Variants in STAG1 observed in about 807,000 individuals in gnomAD.
The protein encoded by STAG1 is cohesin subunit SA-1.
In STAG1, 26 loss-of-function variants were observed where a neutral mutation model predicts 170.9. The ratio of observed to expected loss-of-function variants is 0.15; its 90% confidence interval spans 0.11 to 0.21. The LOEUF (loss-of-function observed/expected upper bound fraction) is 0.21, where lower values mean the gene tolerates loss of function less well. Ranked by LOEUF, STAG1 falls within the 10% of genes least tolerant of loss-of-function variation. STAG1 has a pLI of 1.00. For missense variants in STAG1, 964 were observed against 1,509.5 expected (o/e 0.64, Z 5.99); for synonymous variants, 514 against 497.7 (o/e 1.03, Z -0.44).
chr3:136,439,052 C>T (rs941454672), intron 15 of STAG1, among the ~76,000 whole-genome samples: 1 of 151,538 alleles, frequency 6.6e-6, no homozygotes, highest in Non-Finnish European at 1.5e-5. Context: ...AAAAATTAGC[C>T]AGGTGTGGTG....
intron 22 of STAG1, among the ~76,000 whole-genome samples, chr3:136,389,467 G>GT (rs1415618905): frequency 6.6e-6 from 1 of 151,842 alleles, no homozygotes; most frequent in Non-Finnish European, 1.5e-5. Flanking sequence ...TAATTTTTTT[G>GT]TATTTTTAGT....
intron 7 of STAG1, among the ~76,000 whole-genome samples, chr3:136,514,324 C>T (rs973154388): frequency 3.3e-5 from 5 of 152,182 alleles, no homozygotes; most frequent in Admixed American, 6.5e-5. Context: ...CTCATCATCA[C>T]TGGTCATCGG....
At chr3:136,722,696 ACGG>A (rs1559972540) in intron 1 of STAG1, among the ~76,000 whole-genome samples, 6 of 39,838 alleles carry the variant, frequency 1.5e-4, no homozygotes, top group African/African-American at 6.3e-4. Context: ...CCCTCTCCCC[ACGG>A]TCTCCCTCTC....
At chr3:136,346,419 A>G (rs910318711) in intron 29 of STAG1, among the ~76,000 whole-genome samples, 8 of 152,210 alleles carry the variant, frequency 5.3e-5, no homozygotes, top group Admixed American at 4.6e-4. Context: ...GAAACTCTGC[A>G]GCCTAAGGGT....
At chr3:136,689,683 T>G (rs763437449) in intron 1 of STAG1, among the ~76,000 whole-genome samples, 1 of 152,192 alleles carries the variant, frequency 6.6e-6, no homozygotes, top group Non-Finnish European at 1.5e-5. Context: ...GAGATCTGAC[T>G]GACAAGCTTT....
chr3:136,597,433 T>C (rs1938479756), intron 4 of STAG1, among the ~76,000 whole-genome samples: 1 of 152,210 alleles, frequency 6.6e-6, no homozygotes, highest in African/African-American at 2.4e-5. Flanking sequence ...TCCCACTAGT[T>C]GCTGTTCTAC....
At chr3:136,430,574 T>G (rs1297561223) in intron 16 of STAG1, among the ~76,000 whole-genome samples, 1 of 150,054 alleles carries the variant, frequency 6.7e-6, no homozygotes, top group Non-Finnish European at 1.5e-5. Context: ...GGAAGAACAA[T>G]TGTCTGGGGC....
chr3:136,373,594 A>G lies in STAG1; in HGVS notation c.2370+4066T>C, dbSNP rs562227229. Reference sequence around the variant, plus strand: ...AAAGAACATCTTTATTTCTGCCTTCATTTCATTATGTACCCAGTAGTCATT... The same window carrying G: ...AAAGAACATCTTTATTTCTGCCTTCGTTTCATTATGTACCCAGTAGTCATT... On this transcript the variant is annotated intron_variant, in intron 23 of 33. Coordinates refer to ENST00000383202, the MANE Select transcript of STAG1 (RefSeq NM_005862.3). Among the ~76,000 whole-genome samples, 3 of 152,054 alleles carry G rather than the reference A, an allele frequency of 2.0e-5. No individual in the cohort carries two copies. In the South Asian group the frequency reaches 6.2e-4, roughly 32 times the overall value.
intron 21 of STAG1, among the ~76,000 whole-genome samples, chr3:136,412,938 C>G (rs999109899): frequency 2.0e-5 from 3 of 151,044 alleles, no homozygotes; most frequent in Non-Finnish European, 4.4e-5. Flanking sequence ...TCTCAGCTCA[C>G]TGCAACCTCC....
intron 14 of STAG1, among the ~76,000 whole-genome samples, chr3:136,447,034 C>T (rs1452648043): frequency 1.3e-5 from 2 of 151,258 alleles, no homozygotes; most frequent in African/African-American, 4.9e-5. Context: ...GAACTCCTGA[C>T]CTCAGGTAAT....
At chr3:136,413,115 C>T (rs1287550656) in intron 21 of STAG1, among the ~76,000 whole-genome samples, 4 of 150,722 alleles carry the variant, frequency 2.7e-5, no homozygotes, top group African/African-American at 7.3e-5. Context: ...CTACCCACCT[C>T]GGTCTACCAA....
chr3:136,389,913 C>T lies in STAG1; in HGVS notation c.2277+8836G>A, dbSNP rs373620021. 1.6e-4 allele frequency among the ~76,000 whole-genome samples: 24 copies of T among 151,394 alleles called. No homozygotes were observed. The East Asian group carries it at 3.9e-3, about 25-fold the overall frequency. On this transcript the variant is annotated intron_variant, in intron 22 of 33. Coordinates refer to ENST00000383202, the MANE Select transcript of STAG1 (RefSeq NM_005862.3). The stretch of plus-strand genomic sequence containing the variant: ...GTGGCATGATCTTGGCTCATTGCAA[C>T]CTCTGCCTCCCGGGTTCCAGCGATT...
chr3:136,501,832 T>C (rs1933494958), intron 8 of STAG1, among the ~76,000 whole-genome samples: 1 of 152,176 alleles, frequency 6.6e-6, no homozygotes, highest in Non-Finnish European at 1.5e-5. Context: ...GATAGACTAA[T>C]AGTGCAGATC....
Position 136,405,231 on chromosome 3 carries a change from CTTTTTTTTTTTTTTT to C in STAG1, c.2197-6417_2197-6403del, listed in dbSNP as rs554475207. 2.4e-3 allele frequency among the ~76,000 whole-genome samples: 149 copies of C among 60,912 alleles called. 2 individuals are homozygous for C. The highest frequency in any genetic ancestry group is 0.014 in the Middle Eastern group (1 of 70). The allele number at this position is 60,912 out of a possible 152,430, so 40.0% of individuals were successfully genotyped here. A position where few individuals can be genotyped will look rare whatever the true frequency, so the allele number is the denominator to read the frequency against. On this transcript the variant is annotated intron_variant, in intron 21 of 33. Transcript: ENST00000383202. ...AATAAATAAACACATGAAAAAACCT[CTTTTTTTTTTTTTTT>C]TTTTTTTTTTTTTCAGACGAAGTCT...
At chr3:136,532,131 A>G (rs1322062656) in intron 6 of STAG1, among the ~76,000 whole-genome samples, 2 of 152,170 alleles carry the variant, frequency 1.3e-5, no homozygotes, top group African/African-American at 4.8e-5. Context: ...ACCCAAATAA[A>G]AAAAATTAGA....
chr3:136,747,093 T>TAACAAAA (rs1934973627), intron 1 of STAG1, among the ~76,000 whole-genome samples: 1 of 59,340 alleles, frequency 1.7e-5, no homozygotes, highest in Non-Finnish European at 2.9e-5. Context: ...TGAAACTGTC[T>TAACAAAA]AAAAAAAAAA....
chr3:136,482,014 CT>C (rs1270584050), intron 9 of STAG1, among the ~76,000 whole-genome samples: 1 of 47,702 alleles, frequency 2.1e-5, no homozygotes, highest in Non-Finnish European at 4.4e-5. Context: ...TTTGTTGATC[CT>C]TTCAAAAAAC....
chr3:136,477,545 A>C (rs1239471013), intron 9 of STAG1, 133 bp from the exon 10 acceptor site: 2 of 700,132 alleles, frequency 2.9e-6, no homozygotes, highest in African/African-American at 1.8e-5. Context: ...CTCCAACTTA[A>C]GTATCTTCTG....
In STAG1 at chr3:136,343,499, C is replaced by A. The variant is rs548171235; in HGVS notation, c.3446+333G>T. Among the ~76,000 whole-genome samples, 6 of 152,260 alleles carry A rather than the reference C, an allele frequency of 3.9e-5. No homozygotes were observed. In the South Asian group the frequency reaches 1.2e-3, roughly 32 times the overall value. On this transcript the variant is annotated intron_variant, in intron 30 of 33. Coordinates refer to ENST00000383202, the MANE Select transcript of STAG1 (RefSeq NM_005862.3). ...CAGACTACTGACAACTTAATATAGG[C>A]TCTTACAGGTTTTCTTGCCTAGGAA...
Sources: allele counts gnomAD v4.1 joint callset (sites outside exome capture counted in the v4.1 genomes callset), GRCh38; gene constraint gnomAD v4.1.1; transcripts MANE v1.5; gene names NCBI Gene and HGNC (gene_info 2026-07-23, HGNC 2026-07-21).